Variants in RNF213 observed in about 807,000 individuals in gnomAD.
RNF213 encodes the protein ring finger protein 213.
A neutral mutation model predicts 514.4 loss-of-function variants in RNF213; 341 were observed. The observed-to-expected ratio is 0.66, with a 90% CI of 0.61 to 0.73. The LOEUF is 0.73. Ranked by LOEUF, RNF213 falls within the 30% of genes least tolerant of loss-of-function variation. The pLI is 0.00. For synonymous variants in RNF213, 2,655 were observed against 2,658.2 expected, an observed-to-expected ratio of 1.00 and a Z score of 0.04; for missense variants, 5,767 against 6,615.6, an observed-to-expected ratio of 0.87 and a Z score of 4.45.
intron 3 of RNF213, among the ~76,000 whole-genome samples, chr17:80,287,030 G>A (rs1443119413): frequency 6.6e-6 from 1 of 152,170 alleles, no homozygotes; most frequent in Non-Finnish European, 1.5e-5. Context: ...TTTTATAGAG[G>A]TGCATAAAAC....
chr17:80,290,499 G>GTGTGTGTGCA, intron 6 of RNF213, 71 bp from the exon 7 acceptor site: 7 of 1,575,864 alleles, frequency 4.4e-6, no homozygotes, highest in Non-Finnish European at 5.2e-6. Flanking sequence ...GTGTGTGTGC[G>GTGTGTGTGCA]CGTGTGTGCA....
At chr17:80,328,192 G>A in intron 19 of RNF213, 136 bp from the exon 20 acceptor site, 5 of 1,188,606 alleles carry the variant, frequency 4.2e-6, no homozygotes, top group Non-Finnish European at 5.8e-6. Context: ...TGGCCATCTC[G>A]AAAAAGTGGG....
At chr17:80,281,231 A>C (rs114076467) in intron 3 of RNF213, among the ~76,000 whole-genome samples, 13,869 of 36,958 alleles carry the variant, frequency 0.38, 2,717 homozygotes, top group Non-Finnish European at 0.46. Context: ...CACACACCCC[A>C]CTCACACACA....
intron 7 of RNF213, 98 bp downstream of exon 7, chr17:80,290,826 C>G (rs1279010182): frequency 8.5e-7 from 1 of 1,172,386 alleles, no homozygotes; most frequent in African/African-American, 1.6e-5. Context: ...TTTTTTTTTT[C>G]TGAGACGGAG....
At position 80,336,298 on chromosome 17, in the gene RNF213, G is replaced by A. The variant is rs969739315; in HGVS notation, c.4447G>A (p.Val1483Met). The change falls in exon 23 of 68, where the codon GTG becomes ATG. Residue 1483 changes from valine to methionine, a missense_variant. Val to Met is a conservative substitution (Grantham distance 21). This residue lies in a region of RNF213 where 1,377 missense variants were observed against 1,635.2 expected (regional missense o/e 0.84). Coordinates refer to ENST00000582970, the MANE Select transcript of RNF213 (RefSeq NM_001256071.3). ...CCTGCTATTTAAGCTGGACCCCAGC[G>A]TGGACTTCAGTGCATTCATGAAGCA... is the stretch of plus-strand genomic sequence containing the variant. ...ASLLFKLDPSVDFSAFMKHLK... is the reference protein window; with the variant it reads ...ASLLFKLDPSMDFSAFMKHLK... The A allele has an allele frequency of 2.1e-5, 32 of 1,537,154 alleles. No homozygotes were observed. Among genetic ancestry groups the A allele is most frequent in the Middle Eastern group, 1.7e-4 (1 of 6,012 alleles).
intron 18 of RNF213, among the ~76,000 whole-genome samples, chr17:80,326,774 T>C (rs1172278051): frequency 6.6e-6 from 1 of 152,234 alleles, no homozygotes; most frequent in Non-Finnish European, 1.5e-5. Flanking sequence ...ATTGTATGGA[T>C]GTGCTACCAT....
intron 3 of RNF213, chr17:80,278,802 C>A: frequency 6.5e-7 from 1 of 1,537,206 alleles, no homozygotes; most frequent in South Asian, 1.2e-5. Context: ...CTGCTGTAGA[C>A]CTCATATCCG....
intron 46 of RNF213, chr17:80,371,551 G>A (rs1244960190): frequency 1.1e-5 from 2 of 182,864 alleles, no homozygotes; most frequent in Non-Finnish European, 1.1e-5. Context: ...GAAACCTTTT[G>A]TTTTTAATGT....
intron 17 of RNF213, 43 bp downstream of exon 17, chr17:80,319,355 C>T: frequency 1.9e-6 from 3 of 1,614,220 alleles, no homozygotes; most frequent in South Asian, 1.1e-5. Flanking sequence ...GGGCTCACAG[C>T]TGTGTTCTGC....
Position 80,377,210 on chromosome 17 carries a change from T to G in RNF213, c.13510+247T>G. ...AAAGGCCCTCTGTGATGCACTTCTG[T>G]TCTCTGGAATATGCCATTTTGGGAG... On this transcript the variant is annotated intron_variant, in intron 53 of 67. Coordinates refer to ENST00000582970, the MANE Select transcript of RNF213 (RefSeq NM_001256071.3). The surrounding 1 kb of genome is among the most constrained non-coding windows in gnomAD (Gnocchi z 4.1). 1.9e-6 allele frequency: 1 copy of G among 524,804 alleles called. No homozygotes were observed. The highest frequency in any genetic ancestry group is 2.0e-5 in the South Asian group (1 of 49,306). The allele number at this position is 524,804 out of a possible 1,614,324, so 32.5% of individuals were successfully genotyped here.
At chr17:80,315,761 T>G (rs1337229543) in intron 15 of RNF213, 1 of 20,036 alleles carries the variant, frequency 5.0e-5, no homozygotes, top group African/African-American at 1.7e-4. Flanking sequence ...GAGGTGACAG[T>G]GGTGATGCTG....
In RNF213 at chr17:80,317,021, C is replaced by G. The variant is rs958558963; in HGVS notation, c.2812-167C>G. On this transcript the variant is annotated intron_variant, in intron 15 of 67. Coordinates refer to ENST00000582970, the MANE Select transcript of RNF213 (RefSeq NM_001256071.3). The surrounding 1 kb of genome is among the most constrained non-coding windows in gnomAD (Gnocchi z 4.1). ...AGAAAGCCAACCTGGGCTGCTGTGA[C>G]CGGCCACTAGCATGGCTGACTGTTG... 1.3e-5 allele frequency among the ~76,000 whole-genome samples: 2 copies of G among 152,230 alleles called. No individual in the cohort carries two copies. The highest frequency in any genetic ancestry group is 2.9e-5 in the Non-Finnish European group (2 of 68,042).
intron 3 of RNF213, among the ~76,000 whole-genome samples, chr17:80,279,821 A>G (rs2044195634): frequency 6.6e-6 from 1 of 152,198 alleles, no homozygotes; most frequent in African/African-American, 2.4e-5. Flanking sequence ...CTCACTAATA[A>G]TATCAAAAAT....
rs1335446489 is a variant in RNF213, at chr17:80,340,046, C to T, written c.5679C>T (p.Ser1893=). Residue 1893 remains serine (S), a synonymous_variant, in exon 26 of 68, where the codon AGC becomes AGT. Coordinates refer to ENST00000582970, the MANE Select transcript of RNF213 (RefSeq NM_001256071.3). ...GCTCCCTGGGGCACAAGGTCTACAG[C>T]CTGCTGTTCGCAGATCAGCTGAGCT... ...TLGSLGHKVY[S]LLFADQLSYE... is the part of the protein sequence containing the mutation. 4.5e-6 allele frequency: 7 copies of T among 1,558,068 alleles called. No individual in the cohort carries two copies. The highest frequency in any genetic ancestry group is 1.7e-4 in the Middle Eastern group (1 of 6,012).
In RNF213 at chr17:80,313,074, C is replaced by G. The variant is rs776923595; in HGVS notation, c.2718C>G (p.Thr906=). 10 of 1,613,972 alleles carry G rather than the reference C, an allele frequency of 6.2e-6. No homozygotes were observed. Among genetic ancestry groups the G allele is most frequent in the Middle Eastern group, 1.6e-4 (1 of 6,084 alleles). Residue 906 remains threonine, a synonymous_variant, in exon 15 of 68, where the codon ACC becomes ACG. Transcript: ENST00000582970. ...NNSVQTVFQG[T]LAATKRWLRE... is the part of the protein sequence containing the mutation. ...CAGTCCAAACAGTCTTCCAAGGGAC[C>G]CTTGCTGCTACGAAAAGGTGGCTCC...
intron 20 of RNF213, 47 bp downstream of exon 20, chr17:80,328,524 A>G (rs2046336059): frequency 6.5e-7 from 1 of 1,527,480 alleles, no homozygotes; most frequent in African/African-American, 1.4e-5. Flanking sequence ...TCAAAGGGTT[A>G]GAGGAGAACA....
chr17:80,350,272 T>G (rs967742206), intron 30 of RNF213, 29 bp from the exon 31 acceptor site: 3 of 1,336,576 alleles, frequency 2.2e-6, no homozygotes, highest in Admixed American at 3.4e-5. Context: ...GACAGAGAAC[T>G]CACTTGAATA....
chr17:80,327,971 C>A lies in RNF213; in HGVS notation c.3349C>A (p.Leu1117Ile), dbSNP rs1047252221. ...ELIIKHKNQF[L>I]DIWQLREKSL... ...GATTATAAAGCACAAGAATCAGTTTCTTGACATCTGGCAACTGAGTAAGCA... is the reference window on the plus strand; with the variant it reads ...GATTATAAAGCACAAGAATCAGTTTATTGACATCTGGCAACTGAGTAAGCA... The change falls in exon 19 of 68, where the codon CTT (leucine) becomes ATT (isoleucine). Residue 1117 changes from leucine to isoleucine, a missense_variant. Physicochemically the swap from Leu to Ile is conservative, Grantham distance 5. This residue lies in a region of RNF213 where 516 missense variants were observed against 566.5 expected (regional missense o/e 0.91). Transcript: ENST00000582970. 5 of 1,537,244 alleles carry A rather than the reference C, an allele frequency of 3.3e-6. No individual in the cohort carries two copies. The African/African-American group carries it at 4.1e-5, about 13-fold the overall frequency.
intron 3 of RNF213, among the ~76,000 whole-genome samples, chr17:80,285,585 C>T (rs2044441949): frequency 6.6e-6 from 1 of 152,208 alleles, no homozygotes; most frequent in South Asian, 2.1e-4. Context: ...ACCAGCCTGT[C>T]ATTCAGAGGC....
Sources: gnomAD v4.1 joint callset for allele counts (sites outside exome capture counted in the v4.1 genomes callset) on GRCh38, gnomAD v4.1.1 for gene constraint, gnomAD v4.1.1 regional missense constraint, Gnocchi (gnomAD v3.1) non-coding constraint, MANE v1.5 for transcripts, NCBI Gene and HGNC (gene_info 2026-07-23, HGNC 2026-07-21) for gene names.